RAPGEF5: variants seen among roughly 807,000 people sequenced by gnomAD.
RAPGEF5 encodes Rap guanine nucleotide exchange factor 5.
Under a neutral mutation model 125.2 loss-of-function variants are expected in RAPGEF5, and 65 were observed. That is an observed-to-expected ratio of 0.52 (90% CI 0.43 to 0.64). The LOEUF (loss-of-function observed/expected upper bound fraction) is 0.64, where lower values mean the gene tolerates loss of function less well. Ranked by LOEUF, RAPGEF5 falls within the 30% of genes least tolerant of loss-of-function variation. RAPGEF5 has a pLI of 0.00. For synonymous variants in RAPGEF5, 391 were observed against 385.9 expected (o/e 1.01, Z -0.16); for missense variants, 958 against 1,048.1 (o/e 0.91, Z 1.19).
chr7:22,225,484 A>C (rs1195822107), intron 8 of RAPGEF5, among the ~76,000 whole-genome samples: 1 of 152,234 alleles, frequency 6.6e-6, no homozygotes, highest in Non-Finnish European at 1.5e-5. Context: ...TTCTTCATTC[A>C]CTGGGAGACT....
intron 5 of RAPGEF5, among the ~76,000 whole-genome samples, chr7:22,303,280 T>C (rs1783254863): frequency 6.6e-6 from 1 of 152,258 alleles, no homozygotes. Flanking sequence ...ACCATAACTG[T>C]TCTTTTTTCC....
intron 24 of RAPGEF5, among the ~76,000 whole-genome samples, chr7:22,128,267 G>T (rs1386576743): frequency 6.6e-6 from 1 of 152,110 alleles, no homozygotes; most frequent in Non-Finnish European, 1.5e-5. Context: ...TTATGAAACA[G>T]TTTGAGATGA....
chr7:22,355,818 T>A lies in RAPGEF5; in HGVS notation c.231+1012A>T, dbSNP rs115490991. 5.7e-3 allele frequency among the ~76,000 whole-genome samples: 872 copies of A among 152,256 alleles called. 18 individuals are homozygous for A. Among genetic ancestry groups the A allele is most frequent in the African/African-American group, 0.02 (835 of 41,534 alleles). On this transcript the variant is annotated intron_variant, in intron 1 of 25. Coordinates refer to ENST00000665637, the MANE Select transcript of RAPGEF5 (RefSeq NM_012294.5). ...TCACTCTCAAGTTTACACAAACCCA[T>A]CTCTGAAAGAGCTAGAAGTCTCCCA...
intron 6 of RAPGEF5, among the ~76,000 whole-genome samples, chr7:22,273,005 C>G (rs1459211973): frequency 1.3e-5 from 2 of 152,102 alleles, no homozygotes; most frequent in African/African-American, 4.8e-5. Flanking sequence ...AGTGATCTGC[C>G]CACCTCAGCC....
rs190806438 is a variant in RAPGEF5, at chr7:22,215,453, C to T, written c.996+4413G>A. Among the ~76,000 whole-genome samples, 401 of 152,268 alleles carry T rather than the reference C, an allele frequency of 2.6e-3. 1 individual carries two copies. The highest frequency in any genetic ancestry group is 9.2e-3 in the African/African-American group (384 of 41,550). On this transcript the variant is annotated intron_variant, in intron 9 of 25. Coordinates refer to ENST00000665637, the MANE Select transcript of RAPGEF5 (RefSeq NM_012294.5). ...ACTCCTATGTGTCTCTCTTGGGATT[C>T]TCTTCACTGCTTCCTTGTATCTCAG... is the stretch of plus-strand genomic sequence containing the variant.
rs537152725 is a variant in RAPGEF5, at chr7:22,118,695, A to G, written c.*3711T>C. ...AGCTGACAATATCACAGCAGCCCTA[A>G]TTAATGATACATTAAAAGGCAAGAT... On this transcript the variant is annotated 3_prime_UTR_variant, in exon 26 of 26. Transcript: ENST00000665637. The G allele has an allele frequency of 5.2e-5, 8 of 152,746 alleles. No individual in the cohort carries two copies. In the East Asian group the frequency reaches 9.6e-4, roughly 18 times the overall value. The allele number at this position is 152,746 out of a possible 1,614,324, so 9.5% of individuals were successfully genotyped here. A position where few individuals can be genotyped will look rare whatever the true frequency, so the allele number is the denominator to read the frequency against.
intron 7 of RAPGEF5, among the ~76,000 whole-genome samples, chr7:22,263,611 TC>T (rs1782210868): frequency 6.6e-6 from 1 of 151,992 alleles, no homozygotes; most frequent in African/African-American, 2.4e-5. Flanking sequence ...ATGCCTGTAT[TC>T]CCAGCTACTA....
At chr7:22,211,283 A>G (rs1349979122) in intron 9 of RAPGEF5, among the ~76,000 whole-genome samples, 1 of 152,242 alleles carries the variant, frequency 6.6e-6, no homozygotes, top group Non-Finnish European at 1.5e-5. Context: ...TGACTCAGAA[A>G]TCACCAAACT....
Position 22,193,426 on chromosome 7 carries a change from T to C in RAPGEF5, c.1145A>G (p.Lys382Arg). Residue 382 changes from lysine to arginine, a missense_variant, in exon 11 of 26, where the codon AAG becomes AGG. Coordinates refer to ENST00000665637, the MANE Select transcript of RAPGEF5 (RefSeq NM_012294.5). ...RYVVVSGTPEKILEHLLNDLH... is the reference protein window; with the variant it reads ...RYVVVSGTPERILEHLLNDLH... ...GTCATTCAAAAGGTGCTCCAAAATC[T>C]TCTCCGGGGTCCCGGACACCACCAC... 6.3e-7 allele frequency: 1 copy of C among 1,595,816 alleles called. No homozygotes were observed.
intron 1 of RAPGEF5, among the ~76,000 whole-genome samples, chr7:22,337,963 A>G (rs1784056334): frequency 6.6e-6 from 1 of 152,220 alleles, no homozygotes; most frequent in African/African-American, 2.4e-5. Flanking sequence ...ACTAACCCTG[A>G]TTGTTATTTT....
intron 18 of RAPGEF5, among the ~76,000 whole-genome samples, chr7:22,147,346 C>T (rs563019550): frequency 1.2e-4 from 19 of 152,280 alleles, no homozygotes; most frequent in Middle Eastern, 6.8e-3. Context: ...GTGAAAGCCC[C>T]GAAATCACTT....
chr7:22,241,229 T>C (rs1319589516), intron 7 of RAPGEF5, among the ~76,000 whole-genome samples: 1 of 152,252 alleles, frequency 6.6e-6, no homozygotes, highest in East Asian at 1.9e-4. Flanking sequence ...ACTTATATTA[T>C]GCTCATTAAG....
intron 12 of RAPGEF5, among the ~76,000 whole-genome samples, chr7:22,166,005 T>C (rs1465907512): frequency 6.7e-6 from 1 of 148,890 alleles, no homozygotes; most frequent in Non-Finnish European, 1.5e-5. Flanking sequence ...TATATATATA[T>C]ACACCAAATA....
At position 22,357,011 on chromosome 7, in the gene RAPGEF5, G is replaced by A. The variant is rs1220289387; in HGVS notation, c.50C>T (p.Pro17Leu). 3 of 1,026,610 alleles carry A rather than the reference G, an allele frequency of 2.9e-6. No homozygotes were observed. Among genetic ancestry groups the A allele is most frequent in the South Asian group, 8.9e-5 (2 of 22,540 alleles). 63.6% of individuals were successfully genotyped at this position (1,026,610 alleles called of 1,614,324 possible). A position where few individuals can be genotyped will look rare whatever the true frequency, so the allele number is the denominator to read the frequency against. Residue 17 changes from proline to leucine, a missense_variant, in exon 1 of 26, where the codon CCG (proline) becomes CTG (leucine). Transcript: ENST00000665637. ...CACCGCCGCCGCGGCGGCCAGGGCC[G>A]GGCTCTCGCACGGCGGCTGCATCTT... Reference protein sequence around the residue: ...SVKMQPPCESPALAAAAAVVA... With the variant: ...SVKMQPPCESLALAAAAAVVA...
intron 7 of RAPGEF5, among the ~76,000 whole-genome samples, chr7:22,253,549 C>T (rs112955817): frequency 0.043 from 6,537 of 152,214 alleles, 177 homozygotes; most frequent in South Asian, 0.072. Context: ...ATACAGCCAA[C>T]AGACTCCTCT....
At chr7:22,145,356 T>G (rs1359497524) in intron 19 of RAPGEF5, 134 bp from the exon 20 acceptor site, 23 of 780,002 alleles carry the variant, frequency 2.9e-5, no homozygotes, top group Non-Finnish European at 1.9e-6. Context: ...ACATGGTGAA[T>G]AGTAATACAT....
intron 7 of RAPGEF5, among the ~76,000 whole-genome samples, chr7:22,251,952 T>C (rs1406525015): frequency 6.6e-6 from 1 of 152,116 alleles, no homozygotes; most frequent in African/African-American, 2.4e-5. Flanking sequence ...CATTTGACCT[T>C]GGGTACAGAA....
intron 16 of RAPGEF5, among the ~76,000 whole-genome samples, chr7:22,155,475 T>A (rs529676531): frequency 6.6e-6 from 1 of 152,350 alleles, no homozygotes; most frequent in South Asian, 2.1e-4. Flanking sequence ...TATTCTACTC[T>A]TTGGTGTTGC....
chr7:22,283,610 AGAG>A (rs1782726372), intron 6 of RAPGEF5, among the ~76,000 whole-genome samples: 2 of 152,350 alleles, frequency 1.3e-5, no homozygotes, highest in Admixed American at 1.3e-4. Context: ...GGCTTCTTTC[AGAG>A]AAGATTTCAC....
Sources: gnomAD v4.1 joint callset for allele counts (sites outside exome capture counted in the v4.1 genomes callset) on GRCh38, gnomAD v4.1.1 for gene constraint, MANE v1.5 for transcripts, NCBI Gene and HGNC (gene_info 2026-07-23, HGNC 2026-07-21) for gene names.